AWAT2: variants seen among roughly 807,000 people sequenced by gnomAD.
The protein encoded by AWAT2 is acyl-CoA wax alcohol acyltransferase 2.
AWAT2 carries 9 observed loss-of-function variants against 22.3 expected under a neutral mutation model. That is an observed-to-expected ratio of 0.40 (90% CI 0.24 to 0.70). AWAT2 has a LOEUF of 0.70. Ranked by LOEUF, AWAT2 falls within the 30% of genes least tolerant of loss-of-function variation. AWAT2 has a pLI of 0.36. For missense variants in AWAT2, 217 were observed against 265.9 expected (o/e 0.82, Z 1.28); for synonymous variants, 100 against 93.4 (o/e 1.07, Z -0.40).
At chrX:70,047,134 C>G (rs1258525642) in intron 1 of AWAT2, among the ~76,000 whole-genome samples, 1 of 112,065 alleles carries the variant, frequency 8.9e-6, no homozygotes, top group African/African-American at 3.2e-5. Flanking sequence ...TAACCAAAAC[C>G]TGTGCTATAA....
In AWAT2 at chrX:70,041,938, T is replaced by A; in HGVS notation, c.872A>T (p.Lys291Met). Residue 291 changes from lysine to methionine, a missense_variant, in exon 7 of 8, where the codon AAG (lysine) becomes ATG (methionine). By Grantham distance (95) the Lys-to-Met change is moderately conservative. Coordinates refer to ENST00000276101, the MANE Select transcript of AWAT2 (RefSeq NM_001002254.1). The stretch of plus-strand genomic sequence containing the variant: ...GATCTCCTGGCTTGGATTCTCAATC[T>A]TGGGCATTGGTAGAGGCTCCCCGAC... ...TIVGEPLPMP[K>M]IENPSQEIVA... 1.7e-6 allele frequency: 2 copies of A among 1,211,553 alleles called. No homozygotes were observed. The highest frequency in any genetic ancestry group is 2.2e-6 in the Non-Finnish European group (2 of 895,205).
intron 1 of AWAT2, among the ~76,000 whole-genome samples, chrX:70,046,079 G>T (rs559107013): frequency 9.0e-6 from 1 of 111,590 alleles, no homozygotes; most frequent in African/African-American, 3.3e-5. Context: ...CTCCAGCAGC[G>T]ATGTTCTAAA....
At chrX:70,042,983 A>C in intron 5 of AWAT2, 86 bp downstream of exon 5, 1 of 835,276 alleles carries the variant, frequency 1.2e-6, no homozygotes, top group Non-Finnish European at 1.6e-6. Flanking sequence ...CTCTCTGTGG[A>C]TGTCCTTTCA....
At chrX:70,045,600 A>C (rs745578809) in intron 1 of AWAT2, among the ~76,000 whole-genome samples, 29 of 111,735 alleles carry the variant, frequency 2.6e-4, no homozygotes, top group African/African-American at 9.1e-4. Flanking sequence ...ATTGTTCCCC[A>C]AAAAATTGAA....
chrX:70,049,840 A>C lies in AWAT2; in HGVS notation c.85+8T>G, dbSNP rs780662978. On this transcript the variant is annotated splice_region_variant and intron_variant, in intron 1 of 7. Coordinates refer to ENST00000276101, the MANE Select transcript of AWAT2 (RefSeq NM_001002254.1). ...GGTTGGTCACCCTACCAAAGGCTGA[A>C]GACTCACTGATAAGCAAGGCACTGA... 1.7e-6 allele frequency: 2 copies of C among 1,211,494 alleles called. No homozygotes were observed. The highest frequency in any genetic ancestry group is 2.2e-6 in the Non-Finnish European group (2 of 895,320).
rs972588211 is a variant in AWAT2 at position 70,041,587 on chromosome X, T to A, written c.*71A>T. The A allele has an allele frequency of 1.0e-5, 4 of 388,951 alleles. No homozygotes were observed. The allele number at this position is 388,951 out of a possible 1,213,427, so 32.1% of individuals were successfully genotyped here. On this transcript the variant is annotated 3_prime_UTR_variant, in exon 8 of 8. Coordinates refer to ENST00000276101, the MANE Select transcript of AWAT2 (RefSeq NM_001002254.1). ...GGCTCTTCCCTGTTTCTTGGGACTA[T>A]CTCACCAGTAGCTGCAAAGAAAGGG...
Position 70,044,478 on chromosome X carries a change from A to C in AWAT2, c.86-16T>G. The stretch of plus-strand genomic sequence containing the variant: ...ACAGTGGTTGCTGCAGGAAGCCCAG[A>C]CCAGAGTTAATGAATTTCAAGCAGT... On this transcript the variant is annotated splice_polypyrimidine_tract_variant and intron_variant, in intron 1 of 7. Coordinates refer to ENST00000276101, the MANE Select transcript of AWAT2 (RefSeq NM_001002254.1). The C allele has an allele frequency of 8.3e-7, 1 of 1,205,843 alleles. No individual in the cohort carries two copies. Among genetic ancestry groups the C allele is most frequent in the Non-Finnish European group, 1.1e-6 (1 of 892,546 alleles).
At chrX:70,047,689 G>A (rs774060180) in intron 1 of AWAT2, among the ~76,000 whole-genome samples, 10 of 112,028 alleles carry the variant, frequency 8.9e-5, no homozygotes, top group Non-Finnish European at 1.7e-4. Context: ...GGGTCCGGAT[G>A]GATTCAATTG....
At chrX:70,044,505 C>T in intron 1 of AWAT2, 43 bp from the exon 2 acceptor site, 1 of 1,191,530 alleles carries the variant, frequency 8.4e-7, no homozygotes, top group Admixed American at 2.3e-5. Context: ...TCAAGCAGTC[C>T]CTCACACTTA....
intron 5 of AWAT2, chrX:70,042,779 A>G (rs1398803598): frequency 5.0e-6 from 2 of 400,409 alleles, no homozygotes; most frequent in East Asian, 4.1e-5. Context: ...GAGGGAGAAC[A>G]GGCTCAGGGC....
intron 1 of AWAT2, among the ~76,000 whole-genome samples, chrX:70,044,839 A>G (rs112495408): frequency 1.1e-4 from 12 of 112,612 alleles, no homozygotes; most frequent in African/African-American, 3.5e-4. Flanking sequence ...TTTTCCTCCA[A>G]TTCACGTCCT....
intron 1 of AWAT2, among the ~76,000 whole-genome samples, chrX:70,048,060 C>T (rs920215407): frequency 1.9e-5 from 2 of 103,190 alleles, no homozygotes; most frequent in African/African-American, 7.2e-5. Flanking sequence ...ACTCCAATTT[C>T]TTGAATCTCC....
rs2020339256 is a variant in AWAT2, at chrX:70,043,004, CTCTT to C, written c.647+61_647+64del. 4 of 1,070,589 alleles carry C rather than the reference CTCTT, an allele frequency of 3.7e-6. No homozygotes were observed. In the East Asian group the frequency reaches 1.0e-4, roughly 27 times the overall value. 88.2% of individuals were successfully genotyped at this position (1,070,589 alleles called of 1,213,427 possible). ...GTGGATGTCCTTTCATCAAAACCCC[CTCTT>C]CTTCTTTCCCTGCAACACTTTTGGA... On this transcript the variant is annotated intron_variant, in intron 5 of 7. Transcript: ENST00000276101.
Position 70,043,664 on chromosome X carries a change from T to C in AWAT2, c.286A>G (p.Ile96Val), listed in dbSNP as rs61735680. 10,583 of 1,205,641 alleles carry C rather than the reference T, an allele frequency of 8.8e-3. 51 individuals carry two copies. The highest frequency in any genetic ancestry group is 0.011 in the Non-Finnish European group (9,496 of 892,883). The change falls in exon 4 of 8, where the codon ATC (isoleucine) becomes GTC (valine). Residue 96 changes from isoleucine to valine, a missense_variant. Transcript: ENST00000276101. Reference sequence around the variant, plus strand: ...AGGATGTAGTTGCGGCTGGGGCAGATGTCATGAGTCTTCAGAAGCTGCGGA... The same window carrying C: ...AGGATGTAGTTGCGGCTGGGGCAGACGTCATGAGTCTTCAGAAGCTGCGGA... ...FPLKLLKTHD[I>V]CPSRNYILVC...
intron 1 of AWAT2, among the ~76,000 whole-genome samples, chrX:70,048,236 T>C (rs189644596): frequency 4.6e-4 from 51 of 111,238 alleles, no homozygotes; most frequent in Non-Finnish European, 8.3e-4. Flanking sequence ...GCCATCACCC[T>C]GTGTCAGTCT....
At chrX:70,042,619 C>G (rs937483615) in intron 5 of AWAT2, 28 of 449,400 alleles carry the variant, frequency 6.2e-5, no homozygotes, top group Non-Finnish European at 1.0e-4. Context: ...TCCTGGGAAC[C>G]CCTGGGTCTG....
At position 70,049,881 on chromosome X, in the gene AWAT2, C is replaced by T. The variant is rs1016107697; in HGVS notation, c.52G>A (p.Val18Ile). ...DLKTALDVFA[V>I]FQWSFSALLI... ...AAGGCACTGAAGGACCACTGGAAAA[C>T]AGCAAAGACATCCAGGGCAGTCTTG... Residue 18 changes from valine (V) to isoleucine (I), a missense_variant, in exon 1 of 8, where the codon GTT (valine) becomes ATT (isoleucine). By Grantham distance (29) the Val-to-Ile change is conservative. Transcript: ENST00000276101. The T allele has an allele frequency of 1.7e-6, 2 of 1,211,783 alleles. No homozygotes were observed. The highest frequency in any genetic ancestry group is 2.2e-6 in the Non-Finnish European group (2 of 895,539).
At chrX:70,048,295 T>C (rs2020377017) in intron 1 of AWAT2, among the ~76,000 whole-genome samples, 1 of 111,398 alleles carries the variant, frequency 9.0e-6, no homozygotes, top group Non-Finnish European at 1.9e-5. Flanking sequence ...CTCCTTCCCA[T>C]GGTTTACAAA....
At chrX:70,046,079 G>A (rs559107013) in intron 1 of AWAT2, among the ~76,000 whole-genome samples, 5 of 111,642 alleles carry the variant, frequency 4.5e-5, no homozygotes, top group Admixed American at 9.5e-5. Flanking sequence ...CTCCAGCAGC[G>A]ATGTTCTAAA....
Sources: gnomAD v4.1 joint callset for allele counts (sites outside exome capture counted in the v4.1 genomes callset) on GRCh38, gnomAD v4.1.1 for gene constraint, MANE v1.5 for transcripts, NCBI Gene and HGNC (gene_info 2026-07-23, HGNC 2026-07-21) for gene names.